Variants in PLCG2 observed in about 807,000 individuals in gnomAD.
PLCG2 encodes the protein 1-phosphatidylinositol 4,5-bisphosphate phosphodiesterase gamma-2.
PLCG2 carries 69 observed loss-of-function variants against 175.6 expected under a neutral mutation model. The ratio of observed to expected loss-of-function variants is 0.39; its 90% CI spans 0.32 to 0.48. PLCG2 has a LOEUF of 0.48. PLCG2 is among the 20% of genes least tolerant of loss of function. The pLI is 0.91. For synonymous variants in PLCG2, 827 were observed against 624.0 expected (o/e 1.33, Z -4.85); for missense variants, 1,798 against 1,650.9 (o/e 1.09, Z -1.54).
At chr16:81,946,039 A>G in intron 30 of PLCG2, 136 bp from the exon 31 acceptor site, 1 of 695,880 alleles carries the variant, frequency 1.4e-6, no homozygotes, top group Admixed American at 2.1e-5. Context: ...GGCTTCCACA[A>G]AGTCAGCCCC....
intron 2 of PLCG2, among the ~76,000 whole-genome samples, chr16:81,765,001 A>G (rs530923399): frequency 1.2e-5 from 1 of 85,692 alleles, no homozygotes; most frequent in East Asian, 2.9e-4. Context: ...AGGTGGGAGC[A>G]TTGGTTTAGC....
chr16:81,927,661 C>G (rs1375651520), intron 23 of PLCG2, among the ~76,000 whole-genome samples: 1 of 152,062 alleles, frequency 6.6e-6, no homozygotes, highest in Non-Finnish European at 1.5e-5. Flanking sequence ...TGCTAGCACT[C>G]CACCAAGGAT....
At chr16:81,745,473 T>C (rs903725988) in intron 1 of PLCG2, among the ~76,000 whole-genome samples, 2 of 152,212 alleles carry the variant, frequency 1.3e-5, no homozygotes, top group Non-Finnish European at 2.9e-5. Flanking sequence ...TCAACATATT[T>C]AACAACCGAG....
chr16:81,938,001 G>C (rs1910787562), intron 28 of PLCG2, 98 bp downstream of exon 28: 2 of 1,152,786 alleles, frequency 1.7e-6, no homozygotes, highest in African/African-American at 3.1e-5. Context: ...GTCTAGGGAG[G>C]CTGGTTGTCT....
At chr16:81,879,979 C>T (rs1907998766) in intron 7 of PLCG2, among the ~76,000 whole-genome samples, 1 of 152,158 alleles carries the variant, frequency 6.6e-6, no homozygotes, top group African/African-American at 2.4e-5. Context: ...TGAAATGTTG[C>T]CTGTAATCCC....
chr16:81,827,895 A>C (rs1905107525), intron 2 of PLCG2, among the ~76,000 whole-genome samples: 1 of 152,048 alleles, frequency 6.6e-6, no homozygotes, highest in African/African-American at 2.4e-5. Context: ...GTTCAAGTCC[A>C]ACCTGATCAA....
intron 13 of PLCG2, among the ~76,000 whole-genome samples, chr16:81,899,905 C>T (rs945408039): frequency 2.6e-5 from 4 of 152,176 alleles, no homozygotes; most frequent in South Asian, 2.1e-4. Context: ...TGTGACCACA[C>T]GCTCAAAAGG....
At chr16:81,856,018 C>T (rs1906665296) in intron 3 of PLCG2, among the ~76,000 whole-genome samples, 2 of 152,126 alleles carry the variant, frequency 1.3e-5, no homozygotes, top group Non-Finnish European at 2.9e-5. Flanking sequence ...CCAGAAGAAC[C>T]CGGGTCTTGG....
At chr16:81,904,194 C>A (rs983913274) in intron 14 of PLCG2, among the ~76,000 whole-genome samples, 1 of 152,216 alleles carries the variant, frequency 6.6e-6, no homozygotes, top group East Asian at 1.9e-4. Flanking sequence ...TGAGGTCCTG[C>A]TTCACTGTTG....
chr16:81,860,178 T>A (rs59430264), intron 5 of PLCG2, among the ~76,000 whole-genome samples: 9,506 of 113,738 alleles, frequency 0.084, 338 homozygotes, highest in Middle Eastern at 0.11. Flanking sequence ...TATTATTTTT[T>A]TTTTTTTTTG....
At chr16:81,839,152 C>T (rs1451955493) in intron 2 of PLCG2, among the ~76,000 whole-genome samples, 3 of 151,772 alleles carry the variant, frequency 2.0e-5, no homozygotes, top group Admixed American at 2.0e-4. Context: ...TTTCTTTTTG[C>T]CAAAAACATA....
intron 31 of PLCG2, among the ~76,000 whole-genome samples, chr16:81,954,422 C>T (rs1164918027): frequency 2.0e-5 from 3 of 152,170 alleles, no homozygotes; most frequent in Non-Finnish European, 2.9e-5. Context: ...AGGTTTGTTA[C>T]ATAGGTATAC....
intron 1 of PLCG2, among the ~76,000 whole-genome samples, chr16:81,745,280 G>C (rs757744745): frequency 5.3e-5 from 8 of 152,152 alleles, no homozygotes; most frequent in Non-Finnish European, 1.2e-4. Context: ...ACCCATGAGA[G>C]GTAAGGAGAG....
rs141185023 is a variant in PLCG2, at chr16:81,822,067, A to T, written c.194-32377A>T. Among the ~76,000 whole-genome samples, 37 of 152,280 alleles carry T rather than the reference A, an allele frequency of 2.4e-4. No homozygotes were observed. The East Asian group carries it at 6.4e-3, about 26-fold the overall frequency. ...TGCAAAGCACCCTTACGCTGCAGAG[A>T]TGCTGCAAATAGGGAGTGTCTTTTT... On this transcript the variant is annotated intron_variant, in intron 2 of 32. Coordinates refer to ENST00000564138, the MANE Select transcript of PLCG2 (RefSeq NM_002661.5).
At chr16:81,851,811 G>C (rs900205756) in intron 2 of PLCG2, among the ~76,000 whole-genome samples, 88 of 152,282 alleles carry the variant, frequency 5.8e-4, no homozygotes, top group African/African-American at 2.1e-3. Flanking sequence ...CCAGTGCCCG[G>C]CTTGTTTTCA....
chr16:81,913,069 CGAGCCCAGA>C (rs1909700158), intron 19 of PLCG2, among the ~76,000 whole-genome samples: 1 of 152,170 alleles, frequency 6.6e-6, no homozygotes, highest in Non-Finnish European at 1.5e-5. Context: ...GGCTGGGATT[CGAGCCCAGA>C]CAGCCCAGGC....
At position 81,912,843 on chromosome 16, in the gene PLCG2, C is replaced by A. The variant is rs1909690071; in HGVS notation, c.2054+127C>A. 4 of 1,174,290 alleles carry A rather than the reference C, an allele frequency of 3.4e-6. No individual in the cohort carries two copies. The African/African-American group carries it at 6.2e-5, about 18-fold the overall frequency. 72.7% of individuals were successfully genotyped at this position (1,174,290 alleles called of 1,614,324 possible). A position where few individuals can be genotyped will look rare whatever the true frequency, so the allele number is the denominator to read the frequency against. On this transcript the variant is annotated intron_variant, in intron 19 of 32. Coordinates refer to ENST00000564138, the MANE Select transcript of PLCG2 (RefSeq NM_002661.5). Reference sequence around the variant, plus strand: ...CCTGCCCCCCCAGCATCAGCGACAACAACAACCACCACAGCAAAAGCCGCT... The same window carrying A: ...CCTGCCCCCCCAGCATCAGCGACAAAAACAACCACCACAGCAAAAGCCGCT...
At chr16:81,946,088 C>A in intron 30 of PLCG2, 87 bp from the exon 31 acceptor site, 1 of 950,512 alleles carries the variant, frequency 1.1e-6, no homozygotes, top group Non-Finnish European at 1.7e-6. Flanking sequence ...TTGAACTAGG[C>A]CTATGATCCC....
Position 81,934,530 on chromosome 16 carries a change from A to C in PLCG2, c.2841A>C (p.Leu947Phe). 6.3e-7 allele frequency: 1 copy of C among 1,585,228 alleles called. No homozygotes were observed. Among genetic ancestry groups the C allele is most frequent in the African/African-American group, 1.3e-5 (1 of 74,470 alleles). The change falls in exon 26 of 33, where the codon TTA (leucine) becomes TTC (phenylalanine). Residue 947 changes from leucine (L) to phenylalanine (F), a missense_variant and splice_region_variant. Physicochemically the swap from Leu to Phe is conservative, Grantham distance 22. Coordinates refer to ENST00000564138, the MANE Select transcript of PLCG2 (RefSeq NM_002661.5). ...CAACCAGCAAAACCAAGGACAACTT[A>C]GGTAACATCTTTCCCAAGAACATGC... ...CKPTSKTKDN[L>F]ENPDFREIRS...
Sources: gnomAD v4.1 joint callset for allele counts (sites outside exome capture counted in the v4.1 genomes callset) on GRCh38, gnomAD v4.1.1 for gene constraint, MANE v1.5 for transcripts, NCBI Gene and HGNC (gene_info 2026-07-23, HGNC 2026-07-21) for gene names.